Variants in TXNDC11 observed in about 807,000 individuals in gnomAD.
TXNDC11 encodes the protein thioredoxin domain containing 11, also known as thioredoxin domain-containing protein 11.
A neutral mutation model predicts 78.0 loss-of-function variants in TXNDC11; 68 were observed. The ratio of observed to expected loss-of-function variants is 0.87; its 90% CI spans 0.72 to 1.07. The LOEUF is 1.07. TXNDC11 is among the 50% of genes least tolerant of loss of function. The pLI is 0.00. For synonymous variants in TXNDC11, 571 were observed against 495.2 expected, an observed-to-expected ratio of 1.15 and a Z score of -2.03; for missense variants, 1,389 against 1,221.8, an observed-to-expected ratio of 1.14 and a Z score of -2.04.
At chr16:11,703,145 A>T (rs1202505466) in intron 5 of TXNDC11, among the ~76,000 whole-genome samples, 1 of 152,196 alleles carries the variant, frequency 6.6e-6, no homozygotes, top group Non-Finnish European at 1.5e-5. Flanking sequence ...AACGTGGAAT[A>T]CAGCACGTAC....
In TXNDC11 at chr16:11,711,186, T is replaced by G. The variant is rs112387981; in HGVS notation, c.793+10391A>C. Among the ~76,000 whole-genome samples, 836 of 152,302 alleles carry G rather than the reference T, an allele frequency of 5.5e-3. 10 individuals carry two copies. The highest frequency in any genetic ancestry group is 0.017 in the African/African-American group (706 of 41,570). ...GGAATCACCATATCATATCACCTGC[T>G]GCACCTCAGTAGAGCAGAGGAGCTG... is the stretch of plus-strand genomic sequence containing the variant. On this transcript the variant is annotated intron_variant, in intron 5 of 11. Transcript: ENST00000283033.
chr16:11,730,524 A>T, intron 4 of TXNDC11, 121 bp downstream of exon 4: 1 of 1,025,502 alleles, frequency 9.8e-7, no homozygotes, highest in Non-Finnish European at 1.4e-6. Flanking sequence ...CTGATCTATC[A>T]CATGACCTTT....
intron 5 of TXNDC11, among the ~76,000 whole-genome samples, chr16:11,702,770 G>T (rs1385981896): frequency 2.6e-5 from 4 of 152,096 alleles, no homozygotes; most frequent in African/African-American, 9.7e-5. Flanking sequence ...AAATATTGAG[G>T]TGTTAAACCC....
intron 1 of TXNDC11, among the ~76,000 whole-genome samples, chr16:11,738,903 T>C (rs2052308927): frequency 6.6e-6 from 1 of 152,066 alleles, no homozygotes; most frequent in Admixed American, 6.5e-5. Flanking sequence ...GGTGCACACC[T>C]GTAATCCCAG....
At chr16:11,740,791 C>T (rs1208850125) in intron 1 of TXNDC11, among the ~76,000 whole-genome samples, 8 of 152,232 alleles carry the variant, frequency 5.3e-5, no homozygotes, top group Non-Finnish European at 1.2e-4. Context: ...ACTCCTTCAT[C>T]TGTGCACTGG....
intron 5 of TXNDC11, among the ~76,000 whole-genome samples, chr16:11,711,872 T>C (rs1378666414): frequency 6.6e-6 from 1 of 152,202 alleles, no homozygotes; most frequent in Non-Finnish European, 1.5e-5. Flanking sequence ...GACTGTGTCA[T>C]TCAGGTAAAG....
chr16:11,699,664 G>C (rs1235678286), intron 6 of TXNDC11, among the ~76,000 whole-genome samples: 1 of 152,260 alleles, frequency 6.6e-6, no homozygotes, highest in African/African-American at 2.4e-5. Context: ...CCCTGGAGTG[G>C]GCCCAACAGC....
chr16:11,738,325 C>T (rs2141128238), intron 1 of TXNDC11, among the ~76,000 whole-genome samples: 1 of 152,316 alleles, frequency 6.6e-6, no homozygotes, highest in South Asian at 2.1e-4. Flanking sequence ...TGCAGAATGC[C>T]TTCATAACCT....
rs1311531002 is a variant in TXNDC11 at position 11,692,017 on chromosome 16, C to G, written c.1173G>C (p.Gln391His). Residue 391 changes from glutamine to histidine, a missense_variant, in exon 8 of 12, where the codon CAG (glutamine) becomes CAC (histidine). Physicochemically the swap from Gln to His is conservative, Grantham distance 24 (BLOSUM62 0). Transcript: ENST00000283033. ...CTGGAGCATCCACCCGCCGCAGGTG[C>G]TGAAGGAGACGCTCCACCACCTGGT... is the stretch of plus-strand genomic sequence containing the variant. Reference protein sequence around the residue: ...HGDQVVERLLQHLRRVDAPVL... With the variant: ...HGDQVVERLLHHLRRVDAPVL... 3 of 1,561,388 alleles carry G rather than the reference C, an allele frequency of 1.9e-6. No individual in the cohort carries two copies. The highest frequency in any genetic ancestry group is 2.6e-6 in the Non-Finnish European group (3 of 1,153,530).
chr16:11,713,148 G>A (rs536753156), intron 5 of TXNDC11, among the ~76,000 whole-genome samples: 9 of 149,080 alleles, frequency 6.0e-5, no homozygotes, highest in South Asian at 2.1e-4. Flanking sequence ...GTTGCCAGGC[G>A]TGGTGGTGCA....
chr16:11,715,034 T>C (rs2051487897), intron 5 of TXNDC11, among the ~76,000 whole-genome samples: 1 of 152,080 alleles, frequency 6.6e-6, no homozygotes, highest in Admixed American at 6.6e-5. Context: ...GAGGATTGCC[T>C]GAGCTCAGGA....
intron 5 of TXNDC11, among the ~76,000 whole-genome samples, chr16:11,714,908 T>C (rs2051483498): frequency 6.6e-6 from 1 of 152,138 alleles, no homozygotes; most frequent in Non-Finnish European, 1.5e-5. Flanking sequence ...CAACTGAGTT[T>C]AGGAATTCCC....
chr16:11,722,689 C>T (rs1311904322), intron 4 of TXNDC11, among the ~76,000 whole-genome samples: 3 of 152,136 alleles, frequency 2.0e-5, no homozygotes, highest in African/African-American at 7.2e-5. Context: ...CCGTAAAGCA[C>T]TAGGCAAATG....
At chr16:11,682,994 C>T (rs1269598981) in intron 11 of TXNDC11, among the ~76,000 whole-genome samples, 3 of 152,124 alleles carry the variant, frequency 2.0e-5, no homozygotes, top group South Asian at 2.1e-4. Flanking sequence ...GTCATACATG[C>T]GAGCCAGGGA....
chr16:11,683,401 G>A (rs577495915), intron 11 of TXNDC11, among the ~76,000 whole-genome samples: 12 of 152,302 alleles, frequency 7.9e-5, no homozygotes, highest in South Asian at 2.1e-4. Flanking sequence ...AGAAAAGGAC[G>A]TGCCATGGGT....
At chr16:11,693,462 T>A (rs2050775568) in intron 7 of TXNDC11, among the ~76,000 whole-genome samples, 1 of 152,154 alleles carries the variant, frequency 6.6e-6, no homozygotes, top group African/African-American at 2.4e-5. Flanking sequence ...TTTCGCTGTG[T>A]GTGTGTGTGT....
At chr16:11,696,056 G>C (rs1278158090) in intron 7 of TXNDC11, among the ~76,000 whole-genome samples, 2 of 151,440 alleles carry the variant, frequency 1.3e-5, no homozygotes, top group African/African-American at 4.9e-5. Flanking sequence ...ACAAAGACTT[G>C]GATGACTATG....
At chr16:11,733,932 A>C in intron 3 of TXNDC11, 50 bp downstream of exon 3, 3 of 1,366,178 alleles carry the variant, frequency 2.2e-6, no homozygotes, top group Non-Finnish European at 3.1e-6. Flanking sequence ...ATTCATTTAT[A>C]AACTGGCAAA....
chr16:11,698,786 C>T (rs1245925358), intron 6 of TXNDC11, among the ~76,000 whole-genome samples: 6 of 152,204 alleles, frequency 3.9e-5, no homozygotes, highest in Non-Finnish European at 5.9e-5. Flanking sequence ...AGCCTCCGTG[C>T]GGCACAGGCT....
Sources: allele counts gnomAD v4.1 joint callset (sites outside exome capture counted in the v4.1 genomes callset), GRCh38; gene constraint gnomAD v4.1.1; transcripts MANE v1.5; gene names NCBI Gene and HGNC (gene_info 2026-07-23, HGNC 2026-07-21).